The following SS18L2 variants were observed in gnomAD, a reference collection of about 807,000 sequenced individuals.
The protein encoded by SS18L2 is SS18 like 2.
A neutral mutation model predicts 10.3 loss-of-function variants in SS18L2; 8 were observed. The ratio of observed to expected loss-of-function variants is 0.78; its 90% confidence interval spans 0.46 to 1.41. The LOEUF (loss-of-function observed/expected upper bound fraction) is 1.41. Ranked by LOEUF, SS18L2 falls within the 40% of genes most tolerant of loss-of-function variation. The pLI, the probability that SS18L2 is intolerant of heterozygous loss-of-function variation, is 0.00. For missense variants in SS18L2, 100 were observed against 96.2 expected (o/e 1.04, Z -0.17); for synonymous variants, 41 against 34.6 (o/e 1.19, Z -0.65).
At chr3:42,589,846 C>G (rs143611243), upstream of SS18L2, among the ~76,000 whole-genome samples, 3 of 152,300 alleles carry the variant, frequency 2.0e-5, no homozygotes, top group Non-Finnish European at 4.4e-5. Flanking sequence ...AGACTACAAC[C>G]AATTCAGTTG....
upstream of SS18L2, among the ~76,000 whole-genome samples, chr3:42,588,130 A>C (rs1237050020): frequency 5.8e-4 from 87 of 150,426 alleles, no homozygotes; most frequent in Non-Finnish European, 7.4e-5. Context: ...GGGGCCAGGC[A>C]CGGTGGCTCA....
intron 1 of SS18L2, among the ~76,000 whole-genome samples, chr3:42,583,116 G>C (rs1305112780): frequency 6.6e-6 from 1 of 152,196 alleles, no homozygotes; most frequent in Non-Finnish European, 1.5e-5. Flanking sequence ...GGATTTTATG[G>C]ACCATAGTGG....
Position 42,594,632 on chromosome 3 carries a change from A to T in SS18L2, c.*123A>T. 1.3e-6 allele frequency: 1 copy of T among 745,918 alleles called. No individual in the cohort carries two copies. Among genetic ancestry groups the T allele is most frequent in the Middle Eastern group, 4.1e-4 (1 of 2,458 alleles). 46.2% of individuals were successfully genotyped at this position (745,918 alleles called of 1,614,324 possible). ...CTCAACTGGTTAAAACATGAATGAA[A>T]CCTCTGTGGCTCTTTCGAAACGTGA... is the stretch of plus-strand genomic sequence containing the variant. On this transcript the variant is annotated 3_prime_UTR_variant, in exon 3 of 3. Transcript: ENST00000011691.
At chr3:42,582,213 G>T (rs1704430827) in intron 1 of SS18L2, 1 of 152,266 alleles carries the variant, frequency 6.6e-6, no homozygotes, top group Non-Finnish European at 1.5e-5. Flanking sequence ...TGAGATCCAA[G>T]CCTGTAATTC....
chr3:42,591,134 G>T lies in SS18L2; in HGVS notation c.69+168G>T. ...GCACGAAATCAGCACAGGCGCCGGG[G>T]CAGGACCCCGGCATGGGGTTCGGTC... On this transcript the variant is annotated intron_variant, in intron 1 of 2. Coordinates refer to ENST00000011691, the MANE Select transcript of SS18L2 (RefSeq NM_001370300.1). 4.2e-6 allele frequency: 3 copies of T among 711,366 alleles called. No individual in the cohort carries two copies. The East Asian group carries it at 8.1e-5, about 19-fold the overall frequency. 44.1% of individuals were successfully genotyped at this position (711,366 alleles called of 1,614,324 possible).
chr3:42,593,052 A>G (rs35676838), intron 2 of SS18L2, among the ~76,000 whole-genome samples: 26,046 of 152,190 alleles, frequency 0.17, 2,694 homozygotes, highest in African/African-American at 0.29. Flanking sequence ...ATACAGTATA[A>G]CAACTATTTA....
chr3:42,583,032 A>C lies in SS18L2; in HGVS notation c.-90+1074A>C, dbSNP rs577195009. Among the ~76,000 whole-genome samples, 3 of 152,368 alleles carry C rather than the reference A, an allele frequency of 2.0e-5. No homozygotes were observed. In the East Asian group the frequency reaches 5.8e-4, roughly 29 times the overall value. On this transcript the variant is annotated intron_variant, in intron 1 of 3. Transcript: ENST00000447630. ...ATGTACATTTTACCACAAAAAGAAA[A>C]GAAACTCAGAGTTTAGAGAATAAAG...
At chr3:42,582,514 G>A (rs1704451726) in intron 1 of SS18L2, among the ~76,000 whole-genome samples, 1 of 152,254 alleles carries the variant, frequency 6.6e-6, no homozygotes, top group Admixed American at 6.5e-5. Context: ...GATTAGGTAG[G>A]TAGCAGAGTC....
upstream of SS18L2, among the ~76,000 whole-genome samples, chr3:42,586,030 C>T (rs537291863): frequency 1.3e-5 from 2 of 152,240 alleles, no homozygotes; most frequent in African/African-American, 2.4e-5. Context: ...CAGACAACTC[C>T]TCTCCTTCCA....
rs1705002881 is a variant in SS18L2 at position 42,595,522 on chromosome 3, T to C, written c.*1013T>C. Among the ~76,000 whole-genome samples, 1 of 152,236 alleles carries C rather than the reference T, an allele frequency of 6.6e-6. No individual in the cohort carries two copies. Among genetic ancestry groups the C allele is most frequent in the South Asian group, 2.1e-4 (1 of 4,834 alleles). On this transcript the variant is annotated 3_prime_UTR_variant, in exon 3 of 3. Coordinates refer to ENST00000011691, the MANE Select transcript of SS18L2 (RefSeq NM_001370300.1). ...ATCACATAAGGAGTGACCTGACTTT[T>C]AAGTTCCCAACCAGCCTTTCACTTA...
chr3:42,594,467 T>G lies in SS18L2; in HGVS notation c.192T>G (p.Ile64Met), dbSNP rs1437409963. The G allele has an allele frequency of 6.8e-6, 11 of 1,613,984 alleles. No homozygotes were observed. The highest frequency in any genetic ancestry group is 7.6e-6 in the Non-Finnish European group (9 of 1,179,974). Reference protein sequence around the residue: ...LHRNLIYLATIADASPTSTSK... With the variant: ...LHRNLIYLATMADASPTSTSK... ...GAAATCTCATTTATTTGGCTACCAT[T>G]GCAGATGCCAGTCCAACCAGCACTT... is the stretch of plus-strand genomic sequence containing the variant. The change falls in exon 3 of 3, where the codon ATT becomes ATG. Residue 64 changes from isoleucine to methionine, a missense_variant. Coordinates refer to ENST00000011691, the MANE Select transcript of SS18L2 (RefSeq NM_001370300.1).
chr3:42,593,471 C>CAAAT (rs1483669394), intron 2 of SS18L2, among the ~76,000 whole-genome samples: 1 of 152,086 alleles, frequency 6.6e-6, no homozygotes, highest in Non-Finnish European at 1.5e-5. Context: ...AGGTTATATA[C>CAAAT]AAATACTATG....
intron 2 of SS18L2, among the ~76,000 whole-genome samples, chr3:42,593,895 CT>C (rs1379087955): frequency 2.0e-5 from 3 of 152,054 alleles, no homozygotes; most frequent in Non-Finnish European, 4.4e-5. Flanking sequence ...GAAAAGCCCC[CT>C]AGTAGGAGTG....
chr3:42,591,923 G>A (rs1577374628), intron 2 of SS18L2, among the ~76,000 whole-genome samples: 1 of 152,162 alleles, frequency 6.6e-6, no homozygotes, highest in East Asian at 1.9e-4. Context: ...GGAGATTAGA[G>A]CCATGGCCCC....
At position 42,590,871 on chromosome 3, in the gene SS18L2, C is replaced by T; in HGVS notation, c.-27C>T. On this transcript the variant is annotated 5_prime_UTR_variant, in exon 1 of 3. Coordinates refer to ENST00000011691, the MANE Select transcript of SS18L2 (RefSeq NM_001370300.1). ...ACCTATCGTGGGTCGAGTTGCTTGG[C>T]GGTCGTGGTTCCGGAGGTTCCTCGG... The T allele has an allele frequency of 6.2e-7, 1 of 1,605,452 alleles. No individual in the cohort carries two copies. The highest frequency in any genetic ancestry group is 8.5e-7 in the Non-Finnish European group (1 of 1,174,178).
rs201194316 is a variant in SS18L2 at position 42,590,978 on chromosome 3, C to T, written c.69+12C>T. ...AGACTATCCAGCGGGTGAGCATCCA[C>T]GCGGGCGGGCGGGCGGGCGGAGAGA... On this transcript the variant is annotated intron_variant, in intron 1 of 2. Transcript: ENST00000011691. The T allele has an allele frequency of 9.1e-6, 3 of 331,112 alleles. No homozygotes were observed. The highest frequency in any genetic ancestry group is 6.4e-5 in the African/African-American group (2 of 31,378). 20.5% of individuals were successfully genotyped at this position (331,112 alleles called of 1,614,324 possible). A position where few individuals can be genotyped will look rare whatever the true frequency, so the allele number is the denominator to read the frequency against.
intron 1 of SS18L2, among the ~76,000 whole-genome samples, chr3:42,583,054 A>G (rs937156716): frequency 6.6e-6 from 1 of 152,244 alleles, no homozygotes; most frequent in African/African-American, 2.4e-5. Context: ...TTTAGAGAAT[A>G]AAGGAGTGGA....
rs1226322255 is a variant in SS18L2 at position 42,594,401 on chromosome 3, T to C, written c.147-21T>C. The C allele has an allele frequency of 1.9e-6, 3 of 1,598,058 alleles. No individual in the cohort carries two copies. In the Admixed American group the frequency reaches 5.1e-5, roughly 27 times the overall value. ...TCGGTAAAAACAAGCCTCTGATTTT[T>C]GCCTGTTTTTTTGCCCATAGGTACC... is the stretch of plus-strand genomic sequence containing the variant. On this transcript the variant is annotated intron_variant, in intron 2 of 2. Coordinates refer to ENST00000011691, the MANE Select transcript of SS18L2 (RefSeq NM_001370300.1).
chr3:42,589,848 A>G (rs1423248019), upstream of SS18L2, among the ~76,000 whole-genome samples: 1 of 152,186 alleles, frequency 6.6e-6, no homozygotes, highest in Non-Finnish European at 1.5e-5. Context: ...ACTACAACCA[A>G]TTCAGTTGCA....
Sources: allele counts gnomAD v4.1 joint callset (sites outside exome capture counted in the v4.1 genomes callset), GRCh38; gene constraint gnomAD v4.1.1; transcripts MANE v1.5; gene names NCBI Gene and HGNC (gene_info 2026-07-23, HGNC 2026-07-21).